Variants in TRIO observed in about 807,000 individuals in gnomAD.
TRIO encodes the protein trio Rho guanine nucleotide exchange factor, also known as triple functional domain protein.
Under a neutral mutation model 351.9 loss-of-function variants are expected in TRIO, and 58 were observed. The ratio of observed to expected loss-of-function variants is 0.16; its 90% CI spans 0.13 to 0.21. TRIO has a LOEUF of 0.21. Among genes scored for constraint, TRIO ranks in the 10% least tolerant of loss-of-function variants. The pLI, the probability that TRIO is intolerant of heterozygous loss-of-function variation, is 1.00. For synonymous variants in TRIO, 1,758 were observed against 1,595.7 expected (o/e 1.10, Z -2.42); for missense variants, 3,201 against 4,027.8 (o/e 0.79, Z 5.56).
chr5:14,369,364 C>T lies in TRIO; in HGVS notation c.3067-10C>T, dbSNP rs375115645. The T allele has an allele frequency of 3.1e-6, 5 of 1,591,796 alleles. No individual in the cohort carries two copies. Among genetic ancestry groups the T allele is most frequent in the African/African-American group, 1.3e-5 (1 of 74,116 alleles). On this transcript the variant is annotated splice_polypyrimidine_tract_variant and intron_variant, in intron 17 of 56. Transcript: ENST00000344204. The stretch of plus-strand genomic sequence containing the variant: ...GCCAAGTCTGAGCCTCAAACTTTTC[C>T]TGCTCACAGGTCTGCAGCGTCCTCG...
intron 37 of TRIO, 200 bp downstream of exon 37, chr5:14,465,840 A>G: frequency 1.7e-6 from 1 of 602,252 alleles, no homozygotes; most frequent in Non-Finnish European, 3.0e-6. Flanking sequence ...TTATTCCCAC[A>G]TTTGCAGTGT....
At chr5:14,200,567 G>T (rs1791047516) in intron 1 of TRIO, among the ~76,000 whole-genome samples, 1 of 152,188 alleles carries the variant, frequency 6.6e-6, no homozygotes, top group African/African-American at 2.4e-5. Context: ...AATGGATCGG[G>T]TTTAGCATTT....
At position 14,485,114 on chromosome 5, in the gene TRIO, A is replaced by C. The variant is rs1338677356; in HGVS notation, c.6703A>C (p.Lys2235Gln). ...GGAAAATGTGGAAAATGATCCCTGT[A>C]AATTTGCTCTGACATCGAGGACGGG... is the stretch of plus-strand genomic sequence containing the variant. ...LEENVENDPC[K>Q]FALTSRTGDV... Residue 2235 changes from lysine to glutamine, a missense_variant, in exon 47 of 57, where the codon AAA (lysine) becomes CAA (glutamine). By Grantham distance (53) the Lys-to-Gln change is moderately conservative. This residue lies in a region of TRIO where 1,089 missense variants were observed against 954.9 expected (regional missense o/e 1.14). Coordinates refer to ENST00000344204, the MANE Select transcript of TRIO (RefSeq NM_007118.4). 1.3e-6 allele frequency: 2 copies of C among 1,578,996 alleles called. No individual in the cohort carries two copies. Among genetic ancestry groups the C allele is most frequent in the Admixed American group, 1.7e-5 (1 of 58,636 alleles).
At chr5:14,183,838 C>G in intron 1 of TRIO, 1 of 651,776 alleles carries the variant, frequency 1.5e-6, no homozygotes, top group Non-Finnish European at 2.8e-6. Flanking sequence ...GTTCTGGGAT[C>G]CTGAGGGACA....
At chr5:14,280,244 T>C in intron 2 of TRIO, 78 bp from the exon 3 acceptor site, 1 of 1,397,584 alleles carries the variant, frequency 7.2e-7, no homozygotes, top group Non-Finnish European at 1.0e-6. Context: ...GGAATAATTT[T>C]GACAGAGTGA....
chr5:14,508,002 C>G lies in TRIO; in HGVS notation c.8874C>G (p.Phe2958Leu). The G allele has an allele frequency of 6.2e-7, 1 of 1,614,226 alleles. No individual in the cohort carries two copies. The highest frequency in any genetic ancestry group is 8.5e-7 in the Non-Finnish European group (1 of 1,180,044). The change falls in exon 57 of 57, where the codon TTC (phenylalanine) becomes TTG (leucine). Residue 2958 changes from phenylalanine to leucine, a missense_variant. Transcript: ENST00000344204. ...ACCAGTTACTGGGGAACCCTGAATT[C>G]GCAGCCCCTGAAATCATCCTCGGGA... is the stretch of plus-strand genomic sequence containing the variant. ...YIHQLLGNPE[F>L]AAPEIILGNP...
At chr5:14,428,703 C>T (rs888186958) in intron 34 of TRIO, among the ~76,000 whole-genome samples, 15 of 152,146 alleles carry the variant, frequency 9.9e-5, no homozygotes, top group Non-Finnish European at 2.9e-5. Flanking sequence ...GAAAAATCCA[C>T]GAGCAGGTAT....
In TRIO at chr5:14,419,769, TC is replaced by T; in HGVS notation, c.4960-3del. The stretch of plus-strand genomic sequence containing the variant: ...GCTGACCTGTCCTCTCTTCCTCTGT[TC>T]CCCCCAGCTCTCTGGTGGCTGTGAG... On this transcript the variant is annotated splice_region_variant and splice_polypyrimidine_tract_variant and intron_variant, in intron 33 of 56. Transcript: ENST00000344204. 6.2e-7 allele frequency: 1 copy of T among 1,613,912 alleles called. No homozygotes were observed. The highest frequency in any genetic ancestry group is 8.5e-7 in the Non-Finnish European group (1 of 1,179,902).
rs2152389530 is a variant in TRIO, at chr5:14,419,960, T to C, written c.5142T>C (p.Gly1714=). Residue 1714 remains glycine, a synonymous_variant, in exon 34 of 57, where the codon GGT becomes GGC. Transcript: ENST00000344204. The part of the protein sequence containing the change: ...SPAAEGLVPC[G]SLCIAHSRSS... ...CGGCAGAAGGCCTGGTCCCCTGTGG[T>C]TCACTGTGCATCGCCCACTCCAGAA... is the stretch of plus-strand genomic sequence containing the variant. 1.9e-6 allele frequency: 3 copies of C among 1,614,214 alleles called. No homozygotes were observed. The highest frequency in any genetic ancestry group is 2.5e-6 in the Non-Finnish European group (3 of 1,180,042).
At chr5:14,338,429 C>T (rs1055478489) in intron 11 of TRIO, among the ~76,000 whole-genome samples, 7 of 152,138 alleles carry the variant, frequency 4.6e-5, no homozygotes, top group Non-Finnish European at 5.9e-5. Flanking sequence ...CAAGGATGGG[C>T]GTGGTTAGCC....
At chr5:14,330,474 G>T (rs993873713) in intron 9 of TRIO, among the ~76,000 whole-genome samples, 1 of 152,106 alleles carries the variant, frequency 6.6e-6, no homozygotes, top group Non-Finnish European at 1.5e-5. Flanking sequence ...GTGGCCCAGT[G>T]GTGCATAGAT....
At position 14,241,551 on chromosome 5, in the gene TRIO, T is replaced by A. The variant is rs575917206; in HGVS notation, c.158-29274T>A. 3.9e-5 allele frequency among the ~76,000 whole-genome samples: 6 copies of A among 152,334 alleles called. No homozygotes were observed. The East Asian group carries it at 7.7e-4, about 20-fold the overall frequency. Reference sequence around the variant, plus strand: ...GCTTTAAAAATGTTCTTAAAACCCTTTATTTAATTGAAACTTGATTCCTAC... The same window carrying A: ...GCTTTAAAAATGTTCTTAAAACCCTATATTTAATTGAAACTTGATTCCTAC... On this transcript the variant is annotated intron_variant, in intron 1 of 56. Coordinates refer to ENST00000344204, the MANE Select transcript of TRIO (RefSeq NM_007118.4).
At position 14,507,021 on chromosome 5, in the gene TRIO, T is replaced by C; in HGVS notation, c.8613-101T>C. 1.5e-5 allele frequency: 21 copies of C among 1,428,716 alleles called. No homozygotes were observed. The South Asian group carries it at 3.4e-4, about 23-fold the overall frequency. The allele number at this position is 1,428,716 out of a possible 1,614,324, so 88.5% of individuals were successfully genotyped here. ...ACGGCCCTGAGATCCCGATGACACATTCATAACAGGTGACAGGTCCGACAT... is the reference window on the plus strand; with the variant it reads ...ACGGCCCTGAGATCCCGATGACACACTCATAACAGGTGACAGGTCCGACAT... On this transcript the variant is annotated intron_variant, in intron 55 of 56. Coordinates refer to ENST00000344204, the MANE Select transcript of TRIO (RefSeq NM_007118.4).
intron 2 of TRIO, among the ~76,000 whole-genome samples, chr5:14,278,112 A>G (rs1260736322): frequency 2.0e-5 from 3 of 152,228 alleles, no homozygotes; most frequent in Non-Finnish European, 2.9e-5. Flanking sequence ...GCCTAAGCAG[A>G]TGAACTTGGT....
intron 19 of TRIO, among the ~76,000 whole-genome samples, 161 bp from the exon 20 acceptor site, chr5:14,377,851 G>A (rs1745704876): frequency 6.6e-6 from 1 of 152,162 alleles, no homozygotes; most frequent in East Asian, 1.9e-4. Flanking sequence ...AAGAGGTCTG[G>A]TAGACATGCT....
Position 14,488,145 on chromosome 5 carries a change from G to A in TRIO, c.7517G>A (p.Ser2506Asn). ...GGCTCCTTCACCTTCCCGGGGGACA[G>A]CGACTCCCTCCAGCGGCAGACACCC... ...RPGSFTFPGD[S>N]DSLQRQTPRH... is the part of the protein sequence containing the mutation. Residue 2506 changes from serine (S) to asparagine (N), a missense_variant, in exon 48 of 57, where the codon AGC (serine) becomes AAC (asparagine). Around this residue, in one of 19 missense-constraint regions of TRIO, gnomAD observed 1,089 missense variants for 954.9 expected, o/e 1.14. Transcript: ENST00000344204. 1.2e-6 allele frequency: 2 copies of A among 1,607,614 alleles called. No individual in the cohort carries two copies. Among genetic ancestry groups the A allele is most frequent in the East Asian group, 2.2e-5 (1 of 44,828 alleles).
At chr5:14,176,438 C>A (rs1236212344) in intron 1 of TRIO, among the ~76,000 whole-genome samples, 2 of 152,170 alleles carry the variant, frequency 1.3e-5, no homozygotes, top group Non-Finnish European at 2.9e-5. Context: ...CCACCGCACC[C>A]CAGCCTGGGT....
intron 1 of TRIO, among the ~76,000 whole-genome samples, chr5:14,238,680 G>A (rs1793935954): frequency 6.6e-6 from 1 of 152,152 alleles, no homozygotes; most frequent in Non-Finnish European, 1.5e-5. Flanking sequence ...AATTCATAAA[G>A]TGCTACTTTA....
chr5:14,297,018 G>T, intron 6 of TRIO, 54 bp from the exon 7 acceptor site: 1 of 1,528,346 alleles, frequency 6.5e-7, no homozygotes, highest in Non-Finnish European at 8.9e-7. Flanking sequence ...TCTTAGAAGG[G>T]AGCCTCCTAT....
Sources: allele counts gnomAD v4.1 joint callset (sites outside exome capture counted in the v4.1 genomes callset), GRCh38; gene constraint gnomAD v4.1.1; regional missense constraint gnomAD v4.1.1; transcripts MANE v1.5; gene names NCBI Gene and HGNC (gene_info 2026-07-23, HGNC 2026-07-21).